SAMMSON: variants seen among roughly 807,000 people sequenced by gnomAD.
The protein encoded by SAMMSON is survival associated mitochondrial melanoma specific oncogenic non-coding RNA.
chr3:70,189,267 A>G (rs1345446798), intron 4 of SAMMSON, among the ~76,000 whole-genome samples: 2 of 152,158 alleles, frequency 1.3e-5, no homozygotes, highest in Admixed American at 6.5e-5. Context: ...CTAGTTCTAG[A>G]GTTTCATAGG....
intron 3 of SAMMSON, among the ~76,000 whole-genome samples, chr3:70,022,196 A>G (rs1468589422): frequency 6.7e-6 from 1 of 149,900 alleles, no homozygotes; most frequent in Admixed American, 6.7e-5. Flanking sequence ...CCAGTAATTC[A>G]GGGGATTCAA....
intron 7 of SAMMSON, among the ~76,000 whole-genome samples, chr3:70,321,822 T>A (rs940936262): frequency 1.3e-5 from 2 of 151,778 alleles, no homozygotes; most frequent in African/African-American, 4.8e-5. Context: ...GGGAAAAAAA[T>A]GACATAAAAT....
At chr3:70,144,457 G>C (rs7426685) in intron 4 of SAMMSON, among the ~76,000 whole-genome samples, 71,032 of 151,964 alleles carry the variant, frequency 0.47, 17,499 homozygotes, top group Non-Finnish European at 0.5. Flanking sequence ...GCTGTCATCA[G>C]ATTCCCAAGT....
rs12107300 is a variant in SAMMSON at position 70,369,956 on chromosome 3, T to C, written n.913+11632T>C. ...TTTGTACCCATTAACCAACCTCTCT[T>C]TATCCTTCCCCTTTCATTCCCACAA... On this transcript the variant is annotated intron_variant and non_coding_transcript_variant, in intron 9 of 9. Coordinates refer to ENST00000642114, the Ensembl canonical transcript of SAMMSON. Among the ~76,000 whole-genome samples the C allele has an allele frequency of 5.5e-3, 833 of 151,948 alleles. 7 individuals carry two copies. Among genetic ancestry groups the C allele is most frequent in the African/African-American group, 0.019 (786 of 41,506 alleles).
intron 4 of SAMMSON, among the ~76,000 whole-genome samples, chr3:70,234,575 G>A (rs930738878): frequency 6.6e-6 from 1 of 151,906 alleles, no homozygotes; most frequent in Non-Finnish European, 1.5e-5. Flanking sequence ...GGGAAGTCGA[G>A]GCTGCAGTGA....
chr3:70,368,758 T>G (rs1197809092), intron 9 of SAMMSON, among the ~76,000 whole-genome samples: 1 of 151,710 alleles, frequency 6.6e-6, no homozygotes, highest in Non-Finnish European at 1.5e-5. Flanking sequence ...CCACACTGTC[T>G]TGATCACTGT....
chr3:70,262,653 T>C (rs1260891886), intron 6 of SAMMSON, among the ~76,000 whole-genome samples: 1 of 152,180 alleles, frequency 6.6e-6, no homozygotes, highest in African/African-American at 2.4e-5. Context: ...ACTCTCAAAT[T>C]TTACACTTGT....
intron 4 of SAMMSON, among the ~76,000 whole-genome samples, chr3:70,190,646 T>C (rs1391650498): frequency 1.3e-5 from 2 of 152,234 alleles, no homozygotes; most frequent in African/African-American, 2.4e-5. Flanking sequence ...ACAGAATTAC[T>C]TATAAAACAT....
intron 7 of SAMMSON, among the ~76,000 whole-genome samples, chr3:70,346,460 T>C (rs1702751212): frequency 6.6e-6 from 1 of 152,118 alleles, no homozygotes; most frequent in South Asian, 2.1e-4. Context: ...TAATTGTGGT[T>C]AAGGTCTGGG....
At chr3:70,312,702 T>G (rs1260995066) in intron 7 of SAMMSON, 1 of 152,046 alleles carries the variant, frequency 6.6e-6, no homozygotes, top group East Asian at 1.9e-4. Context: ...AGATTTGTAT[T>G]GCTGCCAGAA....
chr3:70,221,797 G>T (rs1701462731), intron 4 of SAMMSON, among the ~76,000 whole-genome samples: 1 of 152,112 alleles, frequency 6.6e-6, no homozygotes, highest in Non-Finnish European at 1.5e-5. Context: ...TTGTTAAGGT[G>T]GTCTTGCCAT....
At chr3:70,207,442 G>C (rs1246798123) in intron 4 of SAMMSON, among the ~76,000 whole-genome samples, 1 of 152,024 alleles carries the variant, frequency 6.6e-6, no homozygotes, top group Non-Finnish European at 1.5e-5. Flanking sequence ...ACAATAGCTA[G>C]AGATGTTCAG....
Position 70,225,283 on chromosome 3 carries a change from C to T in SAMMSON, n.508-23824C>T, listed in dbSNP as rs967448026. On this transcript the variant is annotated intron_variant and non_coding_transcript_variant, in intron 4 of 9. Coordinates refer to ENST00000642114, the Ensembl canonical transcript of SAMMSON. ...TTTTCCCCAGATTTTCTTGAATTCT[C>T]TTCAGTGTGAGAATTATAATTATAT... Among the ~76,000 whole-genome samples, 3 of 152,162 alleles carry T rather than the reference C, an allele frequency of 2.0e-5. No homozygotes were observed. In the South Asian group the frequency reaches 6.2e-4, roughly 32 times the overall value.
intron 4 of SAMMSON, among the ~76,000 whole-genome samples, chr3:70,086,539 G>A (rs2067286169): frequency 6.6e-6 from 1 of 152,182 alleles, no homozygotes; most frequent in African/African-American, 2.4e-5. Flanking sequence ...CTTTCACCAT[G>A]CTGAGTTCTG....
intron 4 of SAMMSON, among the ~76,000 whole-genome samples, chr3:70,145,170 G>C (rs1416323148): frequency 6.6e-6 from 1 of 152,076 alleles, no homozygotes; most frequent in African/African-American, 2.4e-5. Flanking sequence ...GCCCTCACAT[G>C]CTGAATTCAC....
Position 70,374,005 on chromosome 3 carries a change from C to T in SAMMSON, n.914-15569C>T, listed in dbSNP as rs559418041. On this transcript the variant is annotated intron_variant and non_coding_transcript_variant, in intron 9 of 9. Coordinates refer to ENST00000642114, the Ensembl canonical transcript of SAMMSON. ...TCTCGGCTCACTGCAACCTCCGCCT[C>T]CCAGGTTCAAGCGATTCTCCTGTAT... Among the ~76,000 whole-genome samples the T allele has an allele frequency of 7.2e-5, 11 of 152,314 alleles. No homozygotes were observed. The South Asian group carries it at 2.3e-3, about 32-fold the overall frequency.
intron 7 of SAMMSON, among the ~76,000 whole-genome samples, chr3:70,304,672 C>G (rs905308402): frequency 1.3e-5 from 2 of 152,276 alleles, no homozygotes; most frequent in Admixed American, 6.5e-5. Context: ...TGTATCCTAT[C>G]CCAGTTACCA....
chr3:70,054,703 G>T (rs1430893662), intron 3 of SAMMSON, among the ~76,000 whole-genome samples: 2 of 152,040 alleles, frequency 1.3e-5, no homozygotes, highest in Non-Finnish European at 2.9e-5. Context: ...CAAGAGCCAG[G>T]CAGGCAATGT....
chr3:70,174,221 T>C (rs549841521), intron 4 of SAMMSON, among the ~76,000 whole-genome samples: 2 of 152,188 alleles, frequency 1.3e-5, no homozygotes, highest in East Asian at 3.9e-4. Context: ...TGAGTGTTTA[T>C]TAAGATGGTA....
Sources: gnomAD v4.1 joint callset for allele counts (sites outside exome capture counted in the v4.1 genomes callset) on GRCh38, gnomAD v4.1.1 for gene constraint, MANE v1.5 for transcripts, NCBI Gene and HGNC (gene_info 2026-07-23, HGNC 2026-07-21) for gene names.